VSIR: variants seen among roughly 807,000 people sequenced by gnomAD.
VSIR encodes V-set immunoregulatory receptor.
In VSIR, 10 loss-of-function variants were observed where a neutral mutation model predicts 31.0. The ratio of observed to expected loss-of-function variants is 0.32; its 90% CI spans 0.20 to 0.55. The LOEUF (loss-of-function observed/expected upper bound fraction) is 0.55. VSIR is among the 20% of genes least tolerant of loss of function. The probability of loss-of-function intolerance (pLI) is 0.93; values close to 1 mark genes in which losing one functional copy is unlikely to be tolerated. For missense variants in VSIR, 356 were observed against 416.2 expected (o/e 0.86, Z 1.26); for synonymous variants, 179 against 180.1 (o/e 0.99, Z 0.05).
intron 3 of VSIR, among the ~76,000 whole-genome samples, chr10:71,759,055 T>A (rs1840222024): frequency 6.6e-6 from 1 of 151,842 alleles, no homozygotes; most frequent in African/African-American, 2.4e-5. Flanking sequence ...TGTTTTTTTT[T>A]TGAGATGGAG....
chr10:71,769,895 G>T (rs1221273358), intron 1 of VSIR, among the ~76,000 whole-genome samples: 1 of 152,222 alleles, frequency 6.6e-6, no homozygotes, highest in Non-Finnish European at 1.5e-5. Context: ...ATGTAAGAAA[G>T]ATCCACCAAG....
intron 2 of VSIR, 116 bp from the exon 3 acceptor site, chr10:71,761,040 C>T: frequency 9.8e-7 from 1 of 1,024,948 alleles, no homozygotes; most frequent in African/African-American, 1.6e-5. Flanking sequence ...GCCTACTCGG[C>T]AGTGTTGGCC....
chr10:71,761,482 T>G (rs1840382651), intron 2 of VSIR, 116 bp downstream of exon 2: 1 of 1,217,014 alleles, frequency 8.2e-7, no homozygotes, highest in South Asian at 1.6e-5. Flanking sequence ...CTCCCTGGAG[T>G]GCCAGTGTTA....
chr10:71,756,602 G>A (rs978315641), intron 3 of VSIR, among the ~76,000 whole-genome samples: 22 of 152,178 alleles, frequency 1.4e-4, no homozygotes, highest in Admixed American at 6.5e-4. Context: ...ACGAAGCTTC[G>A]CTGTCCCAAC....
chr10:71,748,342 C>G lies in VSIR; in HGVS notation c.*2911G>C, dbSNP rs994310195. ...GGTCCTGGGGCTCCTGCACCTCCAC[C>G]CCAGCGCCCATCGCCACGGACTCCC... On this transcript the variant is annotated 3_prime_UTR_variant, in exon 7 of 7. Coordinates refer to ENST00000394957, the MANE Select transcript of VSIR (RefSeq NM_022153.2). The G allele has an allele frequency of 1.3e-5, 2 of 152,656 alleles. No homozygotes were observed. The highest frequency in any genetic ancestry group is 4.8e-5 in the African/African-American group (2 of 41,470). 9.5% of individuals were successfully genotyped at this position (152,656 alleles called of 1,614,324 possible).
intron 1 of VSIR, among the ~76,000 whole-genome samples, chr10:71,763,406 C>A (rs1383284290): frequency 6.6e-6 from 1 of 152,252 alleles, no homozygotes; most frequent in Non-Finnish European, 1.5e-5. Context: ...CTGATACATC[C>A]TTTTCATTGC....
intron 1 of VSIR, among the ~76,000 whole-genome samples, chr10:71,772,485 T>G (rs1840708574): frequency 6.6e-6 from 1 of 152,344 alleles, no homozygotes; most frequent in South Asian, 2.1e-4. Context: ...AACCAGGCCA[T>G]GGGTACCAGG....
chr10:71,747,663 G>T lies in VSIR; in HGVS notation c.*3590C>A. 1 of 152,398 alleles carries T rather than the reference G, an allele frequency of 6.6e-6. No homozygotes were observed. Among genetic ancestry groups the T allele is most frequent in the Non-Finnish European group, 1.5e-5 (1 of 68,052 alleles). The allele number at this position is 152,398 out of a possible 1,614,324, so 9.4% of individuals were successfully genotyped here. Reference sequence around the variant, plus strand: ...GCAATAAAACCTCCCAGGATTTTCAGGGAAGGGGGTGGATCAAACAAGTTA... The same window carrying T: ...GCAATAAAACCTCCCAGGATTTTCATGGAAGGGGGTGGATCAAACAAGTTA... On this transcript the variant is annotated 3_prime_UTR_variant, in exon 7 of 7. Transcript: ENST00000394957.
chr10:71,773,042 C>T (rs1337089550), intron 1 of VSIR, among the ~76,000 whole-genome samples: 3 of 152,232 alleles, frequency 2.0e-5, no homozygotes, highest in Admixed American at 1.3e-4. Context: ...GCCTCTCCTT[C>T]TTTGCAGAAG....
rs190393650 is a variant in VSIR, at chr10:71,749,560, G to T, written c.*1693C>A. On this transcript the variant is annotated 3_prime_UTR_variant, in exon 7 of 7. Transcript: ENST00000394957. Reference sequence around the variant, plus strand: ...GACCCCCCTCTGCCTAGGGACAAGGGAGAAGCCGGGGTTTGGGCATATTCT... The same window carrying T: ...GACCCCCCTCTGCCTAGGGACAAGGTAGAAGCCGGGGTTTGGGCATATTCT... The T allele has an allele frequency of 2.0e-5, 3 of 152,438 alleles. No homozygotes were observed. The East Asian group carries it at 5.8e-4, about 29-fold the overall frequency. The allele number at this position is 152,438 out of a possible 1,614,324, so 9.4% of individuals were successfully genotyped here. A position where few individuals can be genotyped will look rare whatever the true frequency, so the allele number is the denominator to read the frequency against.
chr10:71,766,157 A>G (rs1840539441), intron 1 of VSIR, among the ~76,000 whole-genome samples: 1 of 152,188 alleles, frequency 6.6e-6, no homozygotes, highest in African/African-American at 2.4e-5. Context: ...TGGCGAGAGG[A>G]TGTTGCTTAT....
intron 1 of VSIR, among the ~76,000 whole-genome samples, chr10:71,766,045 A>G (rs1418707176): frequency 6.6e-6 from 1 of 152,248 alleles, no homozygotes; most frequent in Non-Finnish European, 1.5e-5. Context: ...GGCAGCGCAC[A>G]GCACGCAGAG....
intron 1 of VSIR, among the ~76,000 whole-genome samples, chr10:71,770,976 T>C (rs1045050079): frequency 7.2e-5 from 11 of 152,196 alleles, no homozygotes; most frequent in Non-Finnish European, 1.6e-4. Flanking sequence ...TCCTAAGAGC[T>C]GACCATTGCT....
chr10:71,766,680 A>G (rs1438821037), intron 1 of VSIR, among the ~76,000 whole-genome samples: 1 of 152,206 alleles, frequency 6.6e-6, no homozygotes, highest in Non-Finnish European at 1.5e-5. Context: ...TTTAGTTCTC[A>G]TAACACCCCC....
chr10:71,760,777 G>A, intron 3 of VSIR, 91 bp downstream of exon 3: 3 of 1,241,712 alleles, frequency 2.4e-6, no homozygotes, highest in Non-Finnish European at 3.6e-6. Flanking sequence ...GGCTTGGGGT[G>A]ATGAGGCCAG....
intron 4 of VSIR, chr10:71,753,844 A>G (rs922258806): frequency 2.2e-6 from 1 of 456,428 alleles, no homozygotes; most frequent in Non-Finnish European, 4.4e-6. Context: ...ATCTATTCAA[A>G]CCATGGCTAT....
rs570012737 is a variant in VSIR, at chr10:71,772,319, C to T, written c.82+1039G>A. 3.3e-5 allele frequency among the ~76,000 whole-genome samples: 5 copies of T among 152,108 alleles called. 1 individual carries two copies. The South Asian group carries it at 8.3e-4, about 25-fold the overall frequency. On this transcript the variant is annotated intron_variant, in intron 1 of 6. Transcript: ENST00000394957. ...CCCTCTCCTTCTATTCCATCCTGCC[C>T]ACTGGGTCCCTGTGCCAAGCCCTCC...
rs1564779148 is a variant in VSIR, at chr10:71,759,852, C to CACACACACACATATATAT, written c.568+1015_568+1016insATATATATGTGTGTGTGT. On this transcript the variant is annotated intron_variant, in intron 3 of 6. Coordinates refer to ENST00000394957, the MANE Select transcript of VSIR (RefSeq NM_022153.2). Reference sequence around the variant, plus strand: ...ACACACACACACACACACACATATACACACACACACACATATATATACACA... The same window carrying CACACACACACATATATAT: ...ACACACACACACACACACACATATACACACACACACATATATATACACACACACACATATATATACACA... Among the ~76,000 whole-genome samples, 393 of 76,958 alleles carry CACACACACACATATATAT rather than the reference C, an allele frequency of 5.1e-3. 72 individuals are homozygous for CACACACACACATATATAT. The highest frequency in any genetic ancestry group is 0.019 in the African/African-American group (352 of 18,266). The allele number at this position is 76,958 out of a possible 152,430, so 50.5% of individuals were successfully genotyped here. A position where few individuals can be genotyped will look rare whatever the true frequency, so the allele number is the denominator to read the frequency against.
At chr10:71,763,031 G>C (rs1016962242) in intron 1 of VSIR, among the ~76,000 whole-genome samples, 4 of 152,186 alleles carry the variant, frequency 2.6e-5, no homozygotes, top group African/African-American at 9.7e-5. Flanking sequence ...TTCCTCCTCT[G>C]TGCAGTGAGA....
Sources: allele counts gnomAD v4.1 joint callset (sites outside exome capture counted in the v4.1 genomes callset), GRCh38; gene constraint gnomAD v4.1.1; transcripts MANE v1.5; gene names NCBI Gene and HGNC (gene_info 2026-07-23, HGNC 2026-07-21).